PDE1C: variants seen among roughly 807,000 people sequenced by gnomAD.
The protein encoded by PDE1C is phosphodiesterase 1C, also known as dual specificity calcium/calmodulin-dependent 3',5'-cyclic nucleotide phosphodiesterase 1C.
Under a neutral mutation model 93.1 loss-of-function variants are expected in PDE1C, and 62 were observed. That is an observed-to-expected ratio of 0.67 (90% CI 0.54 to 0.82). The LOEUF is 0.82. PDE1C is among the 40% of genes least tolerant of loss of function. PDE1C has a pLI of 0.00. For missense variants in PDE1C, 742 were observed against 884.6 expected (o/e 0.84, Z 2.04); for synonymous variants, 325 against 310.1 (o/e 1.05, Z -0.50).
At chr7:32,029,741 G>A (rs1034755291) in intron 2 of PDE1C, among the ~76,000 whole-genome samples, 3 of 152,058 alleles carry the variant, frequency 2.0e-5, no homozygotes, top group Admixed American at 1.3e-4. Flanking sequence ...TTGTGTAAAT[G>A]TTGTAAAAGG....
intron 2 of PDE1C, among the ~76,000 whole-genome samples, chr7:32,180,408 C>T (rs6963230): frequency 0.31 from 46,516 of 152,116 alleles, 8,541 homozygotes; most frequent in East Asian, 0.58. Flanking sequence ...AACCTGTTTT[C>T]CTAAATCCCC....
intron 9 of PDE1C, among the ~76,000 whole-genome samples, chr7:31,844,127 T>TGAA (rs531413487): frequency 2.1e-4 from 32 of 151,958 alleles, no homozygotes; most frequent in Admixed American, 1.6e-3. Flanking sequence ...TTTAAATAAG[T>TGAA]GAAGAAAAAT....
At chr7:32,402,873 A>G in intron 1 of PDE1C, among the ~76,000 whole-genome samples, 1 of 152,218 alleles carries the variant, frequency 6.6e-6, no homozygotes, top group Non-Finnish European at 1.5e-5. Context: ...GAGTTAAAGA[A>G]AGTTCATTAT....
chr7:32,123,581 A>G (rs1268832483), intron 3 of PDE1C, among the ~76,000 whole-genome samples: 1 of 152,242 alleles, frequency 6.6e-6, no homozygotes, highest in African/African-American at 2.4e-5. Context: ...AATCCATCAC[A>G]TAAACAGAAC....
chr7:31,892,015 T>C (rs998114671), intron 2 of PDE1C, among the ~76,000 whole-genome samples: 2 of 152,216 alleles, frequency 1.3e-5, no homozygotes, highest in Middle Eastern at 3.2e-3. Flanking sequence ...GACTCTACAA[T>C]TATCTCAAAA....
At chr7:31,967,599 A>T (rs1304052694) in intron 2 of PDE1C, among the ~76,000 whole-genome samples, 3 of 152,194 alleles carry the variant, frequency 2.0e-5, no homozygotes, top group African/African-American at 7.2e-5. Flanking sequence ...AATCCTCCCT[A>T]ACTCTTTTTA....
chr7:32,087,617 G>C (rs754383553), intron 3 of PDE1C, among the ~76,000 whole-genome samples: 1 of 152,094 alleles, frequency 6.6e-6, no homozygotes, highest in Non-Finnish European at 1.5e-5. Flanking sequence ...TCCAACCATG[G>C]TAGACTGGAT....
At chr7:32,184,534 C>A (rs1380206002) in intron 2 of PDE1C, among the ~76,000 whole-genome samples, 2 of 152,080 alleles carry the variant, frequency 1.3e-5, no homozygotes, top group African/African-American at 2.4e-5. Flanking sequence ...TCATTCTCAG[C>A]AAACTATTGC....
At chr7:31,856,997 C>T (rs1380423864) in intron 7 of PDE1C, among the ~76,000 whole-genome samples, 2 of 152,078 alleles carry the variant, frequency 1.3e-5, no homozygotes, top group Non-Finnish European at 2.9e-5. Flanking sequence ...AAGTGCATGT[C>T]TGTGTTCTAA....
chr7:32,000,489 G>A (rs1206471147), intron 2 of PDE1C, among the ~76,000 whole-genome samples: 1 of 152,166 alleles, frequency 6.6e-6, no homozygotes, highest in African/African-American at 2.4e-5. Context: ...AGAAGAGGCA[G>A]GAGAGTGGTA....
At chr7:31,926,214 G>T (rs896298320) in intron 2 of PDE1C, among the ~76,000 whole-genome samples, 16 of 152,106 alleles carry the variant, frequency 1.1e-4, no homozygotes, top group African/African-American at 3.6e-4. Context: ...GTCCTGAAAC[G>T]ATTTTTCTTT....
intron 15 of PDE1C, among the ~76,000 whole-genome samples, chr7:31,815,161 T>C (rs918310451): frequency 6.6e-6 from 1 of 152,282 alleles, no homozygotes; most frequent in East Asian, 1.9e-4. Context: ...TGTTTTTCTC[T>C]GCACATGTTC....
chr7:32,101,840 G>A (rs865785956), intron 3 of PDE1C, among the ~76,000 whole-genome samples: 1 of 152,204 alleles, frequency 6.6e-6, no homozygotes, highest in South Asian at 2.1e-4. Context: ...TGGAAGCATA[G>A]TGCCAGTATT....
chr7:32,059,713 A>C (rs530517832), intron 1 of PDE1C, among the ~76,000 whole-genome samples: 1 of 152,272 alleles, frequency 6.6e-6, no homozygotes, highest in East Asian at 1.9e-4. Flanking sequence ...AACCAAACAC[A>C]ATTTCCTTTC....
At chr7:31,644,561 C>T in the PDE1C span, among the ~76,000 whole-genome samples, 3 of 152,134 alleles carry the variant, frequency 2.0e-5, no homozygotes, top group African/African-American at 4.8e-5. Context: ...GAGCTTCCCA[C>T]GTCAAATAGA....
chr7:31,697,080 A>C, the PDE1C span: 1 of 1,614,126 alleles, frequency 6.2e-7, no homozygotes, highest in South Asian at 1.1e-5. Flanking sequence ...CAAGGAGAAA[A>C]GACACACCTG....
At chr7:31,941,116 A>G (rs924342134) in intron 2 of PDE1C, 1 of 152,078 alleles carries the variant, frequency 6.6e-6, no homozygotes, top group Non-Finnish European at 1.5e-5. Context: ...GCACAAGGTA[A>G]ATATCCCACA....
rs139903492 is a variant in PDE1C at position 32,115,385 on chromosome 7, G to A, written c.308+54400C>T. 6.0e-3 allele frequency among the ~76,000 whole-genome samples: 912 copies of A among 152,194 alleles called. 7 individuals carry two copies. The highest frequency in any genetic ancestry group is 0.02 in the African/African-American group (827 of 41,550). On this transcript the variant is annotated intron_variant, in intron 3 of 18. Transcript: ENST00000396193. ...ATACTGGAACAGAAAACCAAACACC[G>A]CATGTTCTCACTCATAAGTGGGAGT...
In PDE1C at chr7:32,231,346, C is replaced by T. The variant is rs182962695; in HGVS notation, c.86-21807G>A. Among the ~76,000 whole-genome samples the T allele has an allele frequency of 6.4e-4, 97 of 152,096 alleles. 1 individual carries two copies. Among genetic ancestry groups the T allele is most frequent in the African/African-American group, 2.3e-3 (94 of 41,464 alleles). Reference sequence around the variant, plus strand: ...ACACACACGCGCACGTGCACACACACCTTTACACATGTTAACAGTATATAG... The same window carrying T: ...ACACACACGCGCACGTGCACACACATCTTTACACATGTTAACAGTATATAG... On this transcript the variant is annotated intron_variant, in intron 1 of 18. Transcript: ENST00000396193.
Sources: gnomAD v4.1 joint callset for allele counts (sites outside exome capture counted in the v4.1 genomes callset) on GRCh38, gnomAD v4.1.1 for gene constraint, MANE v1.5 for transcripts, NCBI Gene and HGNC (gene_info 2026-07-23, HGNC 2026-07-21) for gene names.